Variants in ATXN7L1 observed in about 807,000 individuals in gnomAD.
ATXN7L1 encodes the protein ataxin-7-like protein 1.
Under a neutral mutation model 70.8 loss-of-function variants are expected in ATXN7L1, and 15 were observed. The ratio of observed to expected loss-of-function variants is 0.21; its 90% CI spans 0.14 to 0.33. The LOEUF (loss-of-function observed/expected upper bound fraction) is 0.33, where lower values mean the gene tolerates loss of function less well. Ranked by LOEUF, ATXN7L1 falls within the 10% of genes least tolerant of loss-of-function variation. The probability of loss-of-function intolerance (pLI) is 1.00; values close to 1 mark genes in which losing one functional copy is unlikely to be tolerated. For synonymous variants in ATXN7L1, 440 were observed against 445.1 expected (o/e 0.99, Z 0.14); for missense variants, 975 against 1,097.1 (o/e 0.89, Z 1.57).
chr7:105,709,914 A>C (rs2116265343), intron 3 of ATXN7L1, among the ~76,000 whole-genome samples: 1 of 150,148 alleles, frequency 6.7e-6, no homozygotes, highest in African/African-American at 2.5e-5. Flanking sequence ...ATTCTGTTGC[A>C]CAGACTGGAG....
chr7:105,766,778 G>A (rs1038209947), intron 3 of ATXN7L1, among the ~76,000 whole-genome samples: 1 of 152,192 alleles, frequency 6.6e-6, no homozygotes, highest in Non-Finnish European at 1.5e-5. Flanking sequence ...ATCAAAAGAT[G>A]ACAAATTGCT....
chr7:105,723,129 G>A (rs1053735723), intron 3 of ATXN7L1, among the ~76,000 whole-genome samples: 1 of 152,140 alleles, frequency 6.6e-6, no homozygotes, highest in Non-Finnish European at 1.5e-5. Flanking sequence ...ATGACGTGGG[G>A]TGTATCATTT....
At chr7:105,847,851 G>A (rs552371377) in intron 2 of ATXN7L1, among the ~76,000 whole-genome samples, 3 of 152,198 alleles carry the variant, frequency 2.0e-5, no homozygotes, top group South Asian at 4.1e-4. Flanking sequence ...CTATTCATAC[G>A]AAATGGCCCC....
Position 105,643,012 on chromosome 7 carries a change from T to C in ATXN7L1, c.688A>G (p.Thr230Ala). 1 of 1,551,634 alleles carries C rather than the reference T, an allele frequency of 6.4e-7. No individual in the cohort carries two copies. The highest frequency in any genetic ancestry group is 1.4e-5 in the African/African-American group (1 of 73,082). Residue 230 changes from threonine (T) to alanine (A), a missense_variant, in exon 5 of 12, where the codon ACC (threonine) becomes GCC (alanine). Around this residue, in one of 5 missense-constraint regions of ATXN7L1, gnomAD observed 192 missense variants for 215.5 expected, o/e 0.89. Coordinates refer to ENST00000419735, the MANE Select transcript of ATXN7L1 (RefSeq NM_020725.2). ...TTTTAVSASS[T>A]SSSAVSTPPL... The stretch of plus-strand genomic sequence containing the variant: ...GGGGTGGAGACGGCAGAGGACGAGG[T>C]GGAGGAGGCAGAAACTGCAGTAGTG...
intron 3 of ATXN7L1, among the ~76,000 whole-genome samples, chr7:105,738,165 C>T (rs1797618413): frequency 1.3e-5 from 2 of 152,356 alleles, no homozygotes; most frequent in African/African-American, 4.8e-5. Context: ...CTCTCTGTCA[C>T]TTCCAGAACA....
At chr7:105,653,890 A>C (rs1046059075) in intron 4 of ATXN7L1, among the ~76,000 whole-genome samples, 8 of 150,466 alleles carry the variant, frequency 5.3e-5, no homozygotes, top group African/African-American at 9.8e-5. Context: ...CCAGGTGAAC[A>C]CTCCCCCATC....
chr7:105,822,849 TA>T (rs905466468), intron 2 of ATXN7L1, among the ~76,000 whole-genome samples: 3 of 152,228 alleles, frequency 2.0e-5, no homozygotes, highest in Admixed American at 2.0e-4. Context: ...GGAAACATAT[TA>T]AAACTTCTAA....
intron 3 of ATXN7L1, among the ~76,000 whole-genome samples, chr7:105,780,278 T>C (rs566900413): frequency 6.6e-6 from 1 of 152,320 alleles, no homozygotes; most frequent in South Asian, 2.1e-4. Context: ...AGCATCTGGA[T>C]GTACACAGAA....
chr7:105,737,742 T>C (rs190718294), intron 3 of ATXN7L1, among the ~76,000 whole-genome samples: 39 of 152,096 alleles, frequency 2.6e-4, no homozygotes, highest in African/African-American at 8.2e-4. Context: ...AAACAAAACA[T>C]AAAAATAATG....
intron 8 of ATXN7L1, 142 bp downstream of exon 8, chr7:105,623,933 C>G (rs1795298725): frequency 2.9e-6 from 2 of 678,558 alleles, no homozygotes; most frequent in Non-Finnish European, 4.2e-6. Context: ...CTAAGGCAAT[C>G]ATTCAAACTC....
At chr7:105,787,881 C>G (rs1804547102) in intron 3 of ATXN7L1, among the ~76,000 whole-genome samples, 1 of 152,202 alleles carries the variant, frequency 6.6e-6, no homozygotes, top group Non-Finnish European at 1.5e-5. Flanking sequence ...ATTGTCTAAT[C>G]CAATTCCCTG....
rs576109123 is a variant in ATXN7L1 at position 105,836,563 on chromosome 7, G to A, written c.250+39249C>T. Reference sequence around the variant, plus strand: ...GGACAGATGGCAAACAATATCAGGTGGCATAAGCATCCCCAGAAGAAAGTG... The same window carrying A: ...GGACAGATGGCAAACAATATCAGGTAGCATAAGCATCCCCAGAAGAAAGTG... On this transcript the variant is annotated intron_variant, in intron 2 of 11. Transcript: ENST00000419735. 1.2e-3 allele frequency among the ~76,000 whole-genome samples: 190 copies of A among 152,264 alleles called. 3 individuals carry two copies. The South Asian group carries it at 0.017, about 13-fold the overall frequency.
chr7:105,618,057 G>C, intron 9 of ATXN7L1: 1 of 456,700 alleles, frequency 2.2e-6, no homozygotes. Flanking sequence ...GTCCTGAACA[G>C]GGGGGAGGGA....
At chr7:105,726,037 G>A (rs1289409343) in intron 3 of ATXN7L1, among the ~76,000 whole-genome samples, 1 of 151,386 alleles carries the variant, frequency 6.6e-6, no homozygotes. Context: ...GAGCAGCTGG[G>A]ATTACAGGCA....
chr7:105,683,604 G>C (rs953622248), intron 3 of ATXN7L1, among the ~76,000 whole-genome samples: 1 of 152,148 alleles, frequency 6.6e-6, no homozygotes, highest in South Asian at 2.1e-4. Context: ...TGAATCAGGA[G>C]GTGGAGGTTG....
chr7:105,742,074 T>C (rs1798077465), intron 3 of ATXN7L1, among the ~76,000 whole-genome samples: 1 of 152,180 alleles, frequency 6.6e-6, no homozygotes, highest in Non-Finnish European at 1.5e-5. Flanking sequence ...CCTCGCAAAC[T>C]AATGCAGTGG....
At chr7:105,802,419 A>G (rs987194850) in intron 2 of ATXN7L1, among the ~76,000 whole-genome samples, 2 of 152,000 alleles carry the variant, frequency 1.3e-5, no homozygotes, top group African/African-American at 4.8e-5. Context: ...GGTCACCCAT[A>G]AGGAGCCGTA....
chr7:105,638,456 C>A lies in ATXN7L1; in HGVS notation c.1099G>T (p.Gly367Trp). 5.8e-6 allele frequency: 9 copies of A among 1,552,354 alleles called. No individual in the cohort carries two copies. Among genetic ancestry groups the A allele is most frequent in the Non-Finnish European group, 7.8e-6 (9 of 1,147,138 alleles). ...CCTAGCAGAGAATCCTGTGCCGGCC[C>A]GGATTGGCTTGGAAGTATTTCCCTC... The part of the protein sequence containing the change: ...STREILPSQS[G>W]PAQDSLLGSS... The change falls in exon 7 of 12, where the codon GGG becomes TGG. Residue 367 changes from glycine (G) to tryptophan (W), a missense_variant. Gly to Trp is a radical substitution (Grantham distance 184, BLOSUM62 -2). This residue lies in a region of ATXN7L1 where 635 missense variants were observed against 699.4 expected (regional missense o/e 0.91). Transcript: ENST00000419735.
At chr7:105,859,067 G>A (rs1283934125) in intron 2 of ATXN7L1, among the ~76,000 whole-genome samples, 1 of 151,958 alleles carries the variant, frequency 6.6e-6, no homozygotes, top group Non-Finnish European at 1.5e-5. Context: ...GGGCATGACA[G>A]GTGAATTTTG....
Sources: allele counts gnomAD v4.1 joint callset (sites outside exome capture counted in the v4.1 genomes callset), GRCh38; gene constraint gnomAD v4.1.1; regional missense constraint gnomAD v4.1.1; transcripts MANE v1.5; gene names NCBI Gene and HGNC (gene_info 2026-07-23, HGNC 2026-07-21).